ARFGEF1: variants seen among roughly 807,000 people sequenced by gnomAD.
ARFGEF1 encodes the protein brefeldin A-inhibited guanine nucleotide-exchange protein 1.
Under a neutral mutation model 231.0 loss-of-function variants are expected in ARFGEF1, and 42 were observed. That is an observed-to-expected ratio of 0.18 (90% CI 0.14 to 0.24). The LOEUF (loss-of-function observed/expected upper bound fraction) is 0.24, where lower values mean the gene tolerates loss of function less well. ARFGEF1 is among the 10% of genes least tolerant of loss of function. ARFGEF1 has a pLI of 1.00. For synonymous variants in ARFGEF1, 710 were observed against 732.3 expected, an observed-to-expected ratio of 0.97 and a Z score of 0.49; for missense variants, 1,345 against 2,192.0, an observed-to-expected ratio of 0.61 and a Z score of 7.72.
rs564165290 is a variant in ARFGEF1 at position 67,297,278 on chromosome 8, T to A, written c.460-668A>T. The stretch of plus-strand genomic sequence containing the variant: ...ATGAGATATCTGTTGAACTAGACCA[T>A]CAACTTGGGAAGATACACACTGTGT... On this transcript the variant is annotated intron_variant, in intron 4 of 38. Coordinates refer to ENST00000262215, the MANE Select transcript of ARFGEF1 (RefSeq NM_006421.5). Among the ~76,000 whole-genome samples the A allele has an allele frequency of 1.8e-4, 27 of 152,310 alleles. No homozygotes were observed. The South Asian group carries it at 1.9e-3, about 11-fold the overall frequency.
intron 1 of ARFGEF1, among the ~76,000 whole-genome samples, chr8:67,339,790 T>TGGGGGGG (rs1479485264): frequency 2.4e-3 from 1 of 424 alleles, no homozygotes; most frequent in Non-Finnish European, 7.7e-3. Context: ...TGTAACAGTG[T>TGGGGGGG]GGGGCGGGGG....
intron 7 of ARFGEF1, among the ~76,000 whole-genome samples, chr8:67,280,569 T>C (rs987497250): frequency 6.6e-6 from 1 of 152,186 alleles, no homozygotes; most frequent in East Asian, 1.9e-4. Context: ...AATCAACAAG[T>C]GTGAAGATCT....
At chr8:67,302,061 T>C (rs116404409) in intron 2 of ARFGEF1, among the ~76,000 whole-genome samples, 104 of 151,982 alleles carry the variant, frequency 6.8e-4, no homozygotes, top group African/African-American at 2.4e-3. Context: ...TAGACAGGCA[T>C]GGTGGTGCTC....
intron 38 of ARFGEF1, 186 bp downstream of exon 38, chr8:67,200,210 A>AG (rs756114380): frequency 4.1e-5 from 27 of 654,586 alleles, no homozygotes; most frequent in African/African-American, 3.2e-4. Context: ...AAGCTGGGTA[A>AG]GGGGGGAGAA....
intron 7 of ARFGEF1, among the ~76,000 whole-genome samples, chr8:67,286,741 G>A (rs942518723): frequency 6.6e-6 from 1 of 151,712 alleles, no homozygotes; most frequent in African/African-American, 2.4e-5. Context: ...ATCATGGTCG[G>A]TTCTTCACTC....
In ARFGEF1 at chr8:67,259,901, T is replaced by C. The variant is rs770242580; in HGVS notation, c.2149A>G (p.Ile717Val). 4 of 1,609,998 alleles carry C rather than the reference T, an allele frequency of 2.5e-6. No individual in the cohort carries two copies. Among genetic ancestry groups the C allele is most frequent in the Non-Finnish European group, 3.4e-6 (4 of 1,178,064 alleles). The change falls in exon 15 of 39, where the codon ATA (isoleucine) becomes GTA (valine). Residue 717 changes from isoleucine to valine, a missense_variant. Physicochemically the swap from Ile to Val is conservative, Grantham distance 29. Coordinates refer to ENST00000262215, the MANE Select transcript of ARFGEF1 (RefSeq NM_006421.5). ...DLFNKKPKRG[I>V]QYLQEQGMLG... is the part of the protein sequence containing the mutation. ...ATCCCTTGTTCTTGGAGGTACTGTA[T>C]TCCTCTCTTTGGTTTCTTATTAAAT...
intron 34 of ARFGEF1, among the ~76,000 whole-genome samples, chr8:67,210,877 AC>A (rs540761931): frequency 1.2e-3 from 185 of 150,720 alleles, no homozygotes; most frequent in African/African-American, 4.0e-3. Context: ...ACATGGTGAA[AC>A]CCTGTCTCTA....
rs1441240685 is a variant in ARFGEF1 at position 67,343,378 on chromosome 8, A to C, written c.-91T>G. 2 of 1,290,174 alleles carry C rather than the reference A, an allele frequency of 1.6e-6. No individual in the cohort carries two copies. The highest frequency in any genetic ancestry group is 1.5e-5 in the African/African-American group (1 of 64,698). The allele number at this position is 1,290,174 out of a possible 1,614,324, so 79.9% of individuals were successfully genotyped here. ...GGAGAGGAAGGAAGAGAAGAGAGAA[A>C]GGAGAGGGGGTGGAGGTGGGGGATT... On this transcript the variant is annotated 5_prime_UTR_variant, in exon 1 of 39. Coordinates refer to ENST00000262215, the MANE Select transcript of ARFGEF1 (RefSeq NM_006421.5).
chr8:67,196,088 T>TA (rs1209486977), downstream of ARFGEF1: 3 of 153,926 alleles, frequency 1.9e-5, no homozygotes, highest in African/African-American at 4.8e-5. Flanking sequence ...TAGCTACTGA[T>TA]ACAGCAGAAA....
chr8:67,204,418 T>C (rs1322067175), intron 35 of ARFGEF1, among the ~76,000 whole-genome samples: 1 of 152,130 alleles, frequency 6.6e-6, no homozygotes, highest in Non-Finnish European at 1.5e-5. Flanking sequence ...CCATGCCTCA[T>C]GGATTCTCGT....
At chr8:67,276,341 C>T (rs1284195620) in intron 8 of ARFGEF1, among the ~76,000 whole-genome samples, 2 of 151,948 alleles carry the variant, frequency 1.3e-5, no homozygotes, top group Non-Finnish European at 2.9e-5. Context: ...ATTAATAAAC[C>T]AAATAAACTC....
At chr8:67,192,603 C>G (rs1268184348) in intron 5 of ARFGEF1, among the ~76,000 whole-genome samples, 1 of 152,078 alleles carries the variant, frequency 6.6e-6, no homozygotes, top group East Asian at 1.9e-4. Flanking sequence ...GAAACCATTG[C>G]CAACCACAAG....
At position 67,228,254 on chromosome 8, in the gene ARFGEF1, C is replaced by T. The variant is rs375461478; in HGVS notation, c.3391G>A (p.Gly1131Arg). The stretch of plus-strand genomic sequence containing the variant: ...GCATTTCCATCTAGCCTTGTAGATC[C>T]TGTGAATATTCTAGGGAAAATAAAA... ...VVVAVDRIFT[G>R]STRLDGNAIV... Residue 1131 changes from glycine to arginine, a missense_variant, in exon 24 of 39, where the codon GGA becomes AGA. Physicochemically the swap from Gly to Arg is moderately radical, Grantham distance 125. Around this residue, in one of 14 missense-constraint regions of ARFGEF1, gnomAD observed 146 missense variants for 321.4 expected, o/e 0.45. Transcript: ENST00000262215. The T allele has an allele frequency of 3.7e-6, 6 of 1,608,664 alleles. No homozygotes were observed. The highest frequency in any genetic ancestry group is 5.1e-6 in the Non-Finnish European group (6 of 1,176,890).
At position 67,231,231 on chromosome 8, in the gene ARFGEF1, T is replaced by A. The variant is rs141161787; in HGVS notation, c.3380+1624A>T. On this transcript the variant is annotated intron_variant, in intron 23 of 38. Coordinates refer to ENST00000262215, the MANE Select transcript of ARFGEF1 (RefSeq NM_006421.5). ...AAAAACATTTAATGGGAAAGTGAAA[T>A]GTACCACTTAAGAATAATACAACAT... Among the ~76,000 whole-genome samples the A allele has an allele frequency of 1.4e-3, 206 of 152,194 alleles. 2 individuals are homozygous for A. Among genetic ancestry groups the A allele is most frequent in the African/African-American group, 4.8e-3 (199 of 41,552 alleles).
At chr8:67,186,563 A>G (rs562622440) in intron 5 of ARFGEF1, among the ~76,000 whole-genome samples, 31 of 152,286 alleles carry the variant, frequency 2.0e-4, no homozygotes, top group African/African-American at 7.5e-4. Context: ...GAACATCTAC[A>G]AAAGTCCTAC....
chr8:67,206,410 TAAAAAAAA>T (rs747164390), intron 34 of ARFGEF1, among the ~76,000 whole-genome samples: 1 of 102,040 alleles, frequency 9.8e-6, no homozygotes, highest in African/African-American at 3.9e-5. Flanking sequence ...ATTTTATCTT[TAAAAAAAA>T]AAAAAAAAAA....
downstream of ARFGEF1, among the ~76,000 whole-genome samples, chr8:67,194,619 TCAAAC>T: frequency 6.6e-6 from 1 of 152,038 alleles, no homozygotes. Flanking sequence ...CATTGTCCTT[TCAAAC>T]AGGAGCTTTT....
chr8:67,294,540 A>G (rs1220290176), intron 5 of ARFGEF1, among the ~76,000 whole-genome samples: 1 of 152,200 alleles, frequency 6.6e-6, no homozygotes, highest in Non-Finnish European at 1.5e-5. Context: ...TAGCAATTCT[A>G]AAACTAATGG....
chr8:67,185,309 G>A (rs1389536253), intron 5 of ARFGEF1, among the ~76,000 whole-genome samples: 4 of 152,152 alleles, frequency 2.6e-5, no homozygotes, highest in Non-Finnish European at 5.9e-5. Flanking sequence ...TTTCGGTTGT[G>A]AACTAAAGGC....
Sources: allele counts gnomAD v4.1 joint callset (sites outside exome capture counted in the v4.1 genomes callset), GRCh38; gene constraint gnomAD v4.1.1; regional missense constraint gnomAD v4.1.1; transcripts MANE v1.5; gene names NCBI Gene and HGNC (gene_info 2026-07-23, HGNC 2026-07-21).